CNTN5: variants seen among roughly 807,000 people sequenced by gnomAD.
The protein encoded by CNTN5 is contactin-5.
In CNTN5, 77 loss-of-function variants were observed where a neutral mutation model predicts 129.1. The ratio of observed to expected loss-of-function variants is 0.60; its 90% confidence interval spans 0.50 to 0.72. The LOEUF is 0.72. Among genes scored for constraint, CNTN5 ranks in the 30% least tolerant of loss-of-function variants. The pLI is 0.00. For missense variants in CNTN5, 1,478 were observed against 1,328.8 expected (o/e 1.11, Z -1.75); for synonymous variants, 509 against 465.6 (o/e 1.09, Z -1.20).
intron 1 of CNTN5, among the ~76,000 whole-genome samples, chr11:99,030,782 T>C (rs1030492350): frequency 1.2e-4 from 17 of 141,328 alleles, no homozygotes; most frequent in East Asian, 2.0e-4. Context: ...CTAACTCTCT[T>C]TTTTTTTTTT....
intron 9 of CNTN5, among the ~76,000 whole-genome samples, chr11:100,029,063 T>G (rs558568586): frequency 2.3e-4 from 34 of 149,254 alleles, no homozygotes; most frequent in Admixed American, 2.0e-3. Flanking sequence ...CGTTAGAAGA[T>G]AGAGAGAGAG....
intron 3 of CNTN5, among the ~76,000 whole-genome samples, chr11:99,637,642 T>G (rs933637703): frequency 6.6e-6 from 1 of 152,118 alleles, no homozygotes; most frequent in Admixed American, 6.5e-5. Context: ...TTTTTAAACT[T>G]CTCACGTTTT....
chr11:99,837,182 C>T (rs1321129763), intron 4 of CNTN5, among the ~76,000 whole-genome samples: 1 of 152,140 alleles, frequency 6.6e-6, no homozygotes, highest in Non-Finnish European at 1.5e-5. Context: ...TGCTCTGTTT[C>T]AAATGTTTCT....
intron 2 of CNTN5, among the ~76,000 whole-genome samples, chr11:99,458,614 T>C (rs879612775): frequency 1.6e-4 from 24 of 151,972 alleles, no homozygotes; most frequent in Non-Finnish European, 3.1e-4. Context: ...ACCGATTTCC[T>C]TAAAGCTATT....
At chr11:100,344,629 A>G (rs1055935228) in intron 23 of CNTN5, among the ~76,000 whole-genome samples, 4 of 152,178 alleles carry the variant, frequency 2.6e-5, no homozygotes, top group African/African-American at 9.6e-5. Context: ...CAAAATAGCT[A>G]GATGAGAATA....
chr11:99,769,754 C>A (rs554687307), intron 3 of CNTN5, among the ~76,000 whole-genome samples: 13 of 150,618 alleles, frequency 8.6e-5, no homozygotes, highest in African/African-American at 2.4e-4. Flanking sequence ...GCAGAAGTTG[C>A]GCTGAGCTTC....
At chr11:99,665,890 A>G (rs1952772875) in intron 3 of CNTN5, among the ~76,000 whole-genome samples, 1 of 152,052 alleles carries the variant, frequency 6.6e-6, no homozygotes, top group Admixed American at 6.6e-5. Flanking sequence ...ATTCTCCTAT[A>G]TGGTGGTTGG....
At chr11:99,445,381 T>C (rs993953039) in intron 2 of CNTN5, among the ~76,000 whole-genome samples, 3 of 152,186 alleles carry the variant, frequency 2.0e-5, no homozygotes, top group African/African-American at 7.2e-5. Context: ...TTATGGTGCC[T>C]GAATACACAA....
At chr11:99,465,187 G>A (rs1015201108) in intron 2 of CNTN5, among the ~76,000 whole-genome samples, 3 of 152,158 alleles carry the variant, frequency 2.0e-5, no homozygotes, top group African/African-American at 7.2e-5. Context: ...GTTGGAAACT[G>A]GCTAATAAAT....
chr11:100,337,119 C>T, intron 21 of CNTN5: 1 of 1,411,096 alleles, frequency 7.1e-7, no homozygotes, highest in Non-Finnish European at 1.0e-6. Context: ...CTTCAACCAA[C>T]ATTGTTTACA....
At chr11:99,320,667 G>C (rs1457154709) in intron 1 of CNTN5, among the ~76,000 whole-genome samples, 3 of 152,140 alleles carry the variant, frequency 2.0e-5, no homozygotes, top group Admixed American at 6.6e-5. Context: ...TAAAAAGGAG[G>C]GGAGTAAGTA....
intron 6 of CNTN5, among the ~76,000 whole-genome samples, chr11:99,856,539 G>C (rs1788706760): frequency 6.6e-6 from 1 of 152,166 alleles, no homozygotes; most frequent in Non-Finnish European, 1.5e-5. Context: ...ATGCCAGAGA[G>C]ATGTTCTGCT....
chr11:100,213,486 T>G (rs1284244126), intron 15 of CNTN5, among the ~76,000 whole-genome samples: 1 of 152,172 alleles, frequency 6.6e-6, no homozygotes, highest in Non-Finnish European at 1.5e-5. Context: ...ACTTTGATTT[T>G]TGAACATTCA....
intron 13 of CNTN5, among the ~76,000 whole-genome samples, chr11:100,162,323 T>C (rs1947483034): frequency 6.6e-6 from 1 of 151,954 alleles, no homozygotes; most frequent in Non-Finnish European, 1.5e-5. Flanking sequence ...CATTATCCTC[T>C]ATGCTAATTA....
At chr11:99,322,235 C>T (rs1014178563) in intron 1 of CNTN5, among the ~76,000 whole-genome samples, 8 of 152,122 alleles carry the variant, frequency 5.3e-5, no homozygotes, top group East Asian at 1.9e-4. Flanking sequence ...GGCGGCCTTA[C>T]TCCTGTCTTC....
chr11:100,005,286 T>C (rs1163631180), intron 9 of CNTN5, among the ~76,000 whole-genome samples: 1 of 152,172 alleles, frequency 6.6e-6, no homozygotes, highest in Non-Finnish European at 1.5e-5. Flanking sequence ...AAATACATCA[T>C]GTATACTCTG....
intron 7 of CNTN5, among the ~76,000 whole-genome samples, chr11:99,935,564 G>C (rs1950298178): frequency 6.6e-6 from 1 of 151,924 alleles, no homozygotes. Flanking sequence ...AGAACCGTGT[G>C]TGTGTGTATG....
rs562042169 is a variant in CNTN5 at position 99,438,300 on chromosome 11, A to G, written c.-71+112816A>G. Among the ~76,000 whole-genome samples, 30 of 152,262 alleles carry G rather than the reference A, an allele frequency of 2.0e-4. 1 individual carries two copies. The highest frequency in any genetic ancestry group is 1.4e-3 in the South Asian group (7 of 4,832). ...GAATAGTAATTTAGAACATTTATTG[A>G]TGAGTCTACTATAAGGAACTATTCG... On this transcript the variant is annotated intron_variant, in intron 2 of 24. Transcript: ENST00000524871.
intron 13 of CNTN5, among the ~76,000 whole-genome samples, chr11:100,083,508 G>C (rs564650780): frequency 6.6e-6 from 1 of 152,058 alleles, no homozygotes; most frequent in East Asian, 1.9e-4. Context: ...TTTCAACATA[G>C]GGTTTGGAGG....
Sources: allele counts gnomAD v4.1 joint callset (sites outside exome capture counted in the v4.1 genomes callset), GRCh38; gene constraint gnomAD v4.1.1; transcripts MANE v1.5; gene names NCBI Gene and HGNC (gene_info 2026-07-23, HGNC 2026-07-21).